Variants in CD1B observed in about 807,000 individuals in gnomAD.
CD1B encodes the protein CD1b molecule, also known as T-cell surface glycoprotein CD1b.
Under a neutral mutation model 39.8 loss-of-function variants are expected in CD1B, and 43 were observed. The observed-to-expected ratio is 1.08, with a 90% CI of 0.85 to 1.39. The LOEUF is 1.39. CD1B is among the 40% of genes most tolerant of loss of function. The pLI, the probability that CD1B is intolerant of heterozygous loss-of-function variation, is 0.00. For synonymous variants in CD1B, 192 were observed against 152.5 expected (o/e 1.26, Z -1.91); for missense variants, 495 against 403.8 (o/e 1.23, Z -1.94).
chr1:158,331,500 C>A lies in CD1B; in HGVS notation c.-77G>T. The A allele has an allele frequency of 8.7e-7, 1 of 1,154,892 alleles. No homozygotes were observed. The highest frequency in any genetic ancestry group is 1.3e-6 in the Non-Finnish European group (1 of 775,372). The allele number at this position is 1,154,892 out of a possible 1,614,324, so 71.5% of individuals were successfully genotyped here. On this transcript the variant is annotated 5_prime_UTR_variant, in exon 1 of 6. Coordinates refer to ENST00000368168, the MANE Select transcript of CD1B (RefSeq NM_001764.3). ...TTTCAGCAAAGCTTTTCCTCAGTAC[C>A]CTGTAGTGACTTCTTCTCTCTTCCA... is the stretch of plus-strand genomic sequence containing the variant.
At chr1:158,287,064 G>A in the CD1B span, among the ~76,000 whole-genome samples, 5 of 152,254 alleles carry the variant, frequency 3.3e-5, no homozygotes, top group South Asian at 1.0e-3. Flanking sequence ...TATCAGCATT[G>A]CCTGAAATAA....
chr1:158,299,729 C>T, the CD1B span, among the ~76,000 whole-genome samples: 1 of 152,094 alleles, frequency 6.6e-6, no homozygotes, highest in East Asian at 1.9e-4. Flanking sequence ...GTGTGTGTGT[C>T]GAGGAATTTA....
the CD1B span, among the ~76,000 whole-genome samples, chr1:158,321,801 G>A: frequency 6.6e-6 from 1 of 152,100 alleles, no homozygotes; most frequent in Non-Finnish European, 1.5e-5. Flanking sequence ...TGTGCAGGAT[G>A]TATAGGCTTA....
chr1:158,316,539 T>A, the CD1B span, among the ~76,000 whole-genome samples: 2 of 151,890 alleles, frequency 1.3e-5, no homozygotes, highest in African/African-American at 4.9e-5. Context: ...GTTGCTTATC[T>A]GCTTAAGGAG....
At chr1:158,287,772 C>G in the CD1B span, among the ~76,000 whole-genome samples, 110 of 152,236 alleles carry the variant, frequency 7.2e-4, 4 homozygotes, top group South Asian at 0.022. Flanking sequence ...TATAAATAAA[C>G]TTTAGAACTT....
At chr1:158,305,519 C>G in the CD1B span, among the ~76,000 whole-genome samples, 83 of 152,320 alleles carry the variant, frequency 5.4e-4, no homozygotes, top group African/African-American at 1.8e-3. Flanking sequence ...AGGATATTAT[C>G]CAGGAGAACT....
chr1:158,316,424 G>C, the CD1B span, among the ~76,000 whole-genome samples: 2 of 151,652 alleles, frequency 1.3e-5, no homozygotes, highest in African/African-American at 4.9e-5. Flanking sequence ...AAGCAATTGT[G>C]AATGGGATTT....
At chr1:158,310,470 C>T in the CD1B span, among the ~76,000 whole-genome samples, 1 of 152,020 alleles carries the variant, frequency 6.6e-6, no homozygotes, top group African/African-American at 2.4e-5. Flanking sequence ...TTAAATGGAA[C>T]TTAATTAAAC....
the CD1B span, among the ~76,000 whole-genome samples, chr1:158,300,172 T>A: frequency 1.3e-5 from 2 of 152,354 alleles, no homozygotes; most frequent in South Asian, 4.1e-4. Context: ...TCCCAGAGAT[T>A]CTGGTACATT....
downstream of CD1B, among the ~76,000 whole-genome samples, chr1:158,327,405 CAGAAATAA>C (rs1652394043): frequency 6.6e-6 from 1 of 151,558 alleles, no homozygotes; most frequent in African/African-American, 2.4e-5. Context: ...GAGTTTGGAA[CAGAAATAA>C]AGAAAACATA....
At chr1:158,304,559 A>T in the CD1B span, among the ~76,000 whole-genome samples, 1 of 152,184 alleles carries the variant, frequency 6.6e-6, no homozygotes, top group Non-Finnish European at 1.5e-5. Flanking sequence ...GCAGACTTAA[A>T]TGTTCCTGTC....
At chr1:158,326,140 T>A (rs986197423), downstream of CD1B, among the ~76,000 whole-genome samples, 24 of 151,988 alleles carry the variant, frequency 1.6e-4, no homozygotes, top group African/African-American at 5.8e-4. Context: ...CCGGCTAATT[T>A]TTTTTGTAGT....
At chr1:158,323,685 T>C (rs1374419592), downstream of CD1B, among the ~76,000 whole-genome samples, 1 of 152,228 alleles carries the variant, frequency 6.6e-6, no homozygotes, top group East Asian at 1.9e-4. Context: ...GCATGACTGC[T>C]GCAGCCATTT....
At chr1:158,299,779 T>G in the CD1B span, among the ~76,000 whole-genome samples, 1 of 152,346 alleles carries the variant, frequency 6.6e-6, no homozygotes, top group South Asian at 2.1e-4. Context: ...TGCACAGAGA[T>G]GTTTATATTA....
the CD1B span, among the ~76,000 whole-genome samples, chr1:158,298,843 T>G: frequency 6.6e-6 from 1 of 152,304 alleles, no homozygotes; most frequent in African/African-American, 2.4e-5. Flanking sequence ...TAGGAAAGCT[T>G]GCGATTTTTG....
At chr1:158,327,498 AT>A (rs1400463358), downstream of CD1B, among the ~76,000 whole-genome samples, 3 of 152,208 alleles carry the variant, frequency 2.0e-5, no homozygotes, top group East Asian at 5.8e-4. Context: ...AGAAAAAAAA[AT>A]GGAAGAAAGT....
the CD1B span, among the ~76,000 whole-genome samples, chr1:158,306,380 C>T: frequency 6.6e-6 from 1 of 152,190 alleles, no homozygotes; most frequent in African/African-American, 2.4e-5. Flanking sequence ...GAAGAGCTAA[C>T]TATCCTAAAT....
chr1:158,331,301 T>G, intron 1 of CD1B, 62 bp downstream of exon 1: 1 of 1,486,556 alleles, frequency 6.7e-7, no homozygotes. Context: ...AGGAAAGCCC[T>G]GCTTGCTTTT....
the CD1B span, chr1:158,291,938 CTT>C: frequency 1.3e-6 from 1 of 778,840 alleles, no homozygotes. Context: ...ATTTTTCTCT[CTT>C]GTTTCTGATC....
Sources: gnomAD v4.1 joint callset for allele counts (sites outside exome capture counted in the v4.1 genomes callset) on GRCh38, gnomAD v4.1.1 for gene constraint, MANE v1.5 for transcripts, NCBI Gene and HGNC (gene_info 2026-07-23, HGNC 2026-07-21) for gene names.